EFHC2: variants seen among roughly 807,000 people sequenced by gnomAD.
The protein encoded by EFHC2 is EF-hand domain containing 2.
Under a neutral mutation model 52.7 loss-of-function variants are expected in EFHC2, and 18 were observed. That is an observed-to-expected ratio of 0.34 (90% confidence interval 0.24 to 0.51). EFHC2 has a LOEUF of 0.51. Among genes scored for constraint, EFHC2 ranks in the 20% least tolerant of loss-of-function variants. EFHC2 has a pLI of 0.97. For missense variants in EFHC2, 513 were observed against 562.5 expected (o/e 0.91, Z 0.89); for synonymous variants, 203 against 204.1 (o/e 0.99, Z 0.04).
chrX:44,148,770 A>C lies in EFHC2; in HGVS notation c.*25T>G. ...TGGCAAAATGAGAGAAGTAAATCAT[A>C]GAGAATTGACCAAAACTGGCATGGT... On this transcript the variant is annotated 3_prime_UTR_variant, in exon 15 of 15. Transcript: ENST00000420999. The C allele has an allele frequency of 9.8e-6, 11 of 1,124,573 alleles. No individual in the cohort carries two copies. The highest frequency in any genetic ancestry group is 1.8e-5 in the African/African-American group (1 of 55,402). 92.7% of individuals were successfully genotyped at this position (1,124,573 alleles called of 1,213,427 possible).
chrX:44,319,735 C>T (rs2038006032), intron 1 of EFHC2, among the ~76,000 whole-genome samples: 1 of 111,478 alleles, frequency 9.0e-6, no homozygotes, highest in Non-Finnish European at 1.9e-5. Flanking sequence ...TATAAAGTTT[C>T]CCTTTTAAAT....
intron 7 of EFHC2, among the ~76,000 whole-genome samples, chrX:44,246,544 G>A (rs935785262): frequency 6.3e-5 from 7 of 111,477 alleles, no homozygotes; most frequent in African/African-American, 1.3e-4. Flanking sequence ...ATTAGTCCAC[G>A]GAGTGAACAA....
chrX:44,283,607 G>A (rs1385739812), intron 2 of EFHC2, among the ~76,000 whole-genome samples: 1 of 97,236 alleles, frequency 1.0e-5, no homozygotes, highest in East Asian at 3.2e-4. Flanking sequence ...TTAGGAGTGC[G>A]TTCCGGGCTC....
intron 2 of EFHC2, among the ~76,000 whole-genome samples, chrX:44,298,501 C>T (rs968449735): frequency 2.7e-5 from 3 of 111,424 alleles, no homozygotes; most frequent in African/African-American, 6.5e-5. Flanking sequence ...GACGTCTAGA[C>T]GGTGTCTGGG....
chrX:44,256,825 C>CACA (rs373900461), intron 4 of EFHC2, among the ~76,000 whole-genome samples: 25,314 of 108,750 alleles, frequency 0.23, 4,281 homozygotes, highest in African/African-American at 0.57. Context: ...CTGGCAGAGA[C>CACA]ACAACAACAA....
At position 44,242,162 on chromosome X, in the gene EFHC2, T is replaced by A; in HGVS notation, c.1239A>T (p.Thr413=). ...ACTTCTTGAAGTTCCTCCGATGAGG[T>A]GTGGGCTTGAGGTCTATGCAGTTAC... is the stretch of plus-strand genomic sequence containing the variant. The part of the protein sequence containing the change: ...SLRNCIDLKP[T]PHRRNFKKFM... The change falls in exon 8 of 15, where the codon ACA becomes ACT. Residue 413 remains threonine (T), a synonymous_variant. Coordinates refer to ENST00000420999, the MANE Select transcript of EFHC2 (RefSeq NM_025184.4). The A allele has an allele frequency of 1.7e-6, 2 of 1,205,209 alleles. No homozygotes were observed. Among genetic ancestry groups the A allele is most frequent in the East Asian group, 5.9e-5 (2 of 33,667 alleles).
chrX:44,238,862 A>C (rs897359332), intron 8 of EFHC2, among the ~76,000 whole-genome samples: 3 of 111,621 alleles, frequency 2.7e-5, no homozygotes, highest in African/African-American at 9.8e-5. Flanking sequence ...TTCATAATTT[A>C]CTTATGTATT....
rs748670538 is a variant in EFHC2 at position 44,163,555 on chromosome X, A to T, written c.2148+367T>A. Among the ~76,000 whole-genome samples, 7 of 112,208 alleles carry T rather than the reference A, an allele frequency of 6.2e-5. No individual in the cohort carries two copies. In the East Asian group the frequency reaches 2.0e-3, roughly 32 times the overall value. ...CCGCGGATACCCGGATACCCTAGGG[A>T]TTCTTGCCATAGGCACCATTTGAGA... On this transcript the variant is annotated intron_variant, in intron 14 of 14. Transcript: ENST00000420999.
intron 4 of EFHC2, among the ~76,000 whole-genome samples, chrX:44,255,904 C>T (rs949006621): frequency 2.7e-5 from 3 of 111,633 alleles, no homozygotes; most frequent in African/African-American, 9.8e-5. Flanking sequence ...TGCAAAAGAA[C>T]GGAAATCATA....
intron 14 of EFHC2, among the ~76,000 whole-genome samples, chrX:44,157,369 C>T (rs764189860): frequency 9.0e-6 from 1 of 111,021 alleles, no homozygotes; most frequent in East Asian, 2.8e-4. Flanking sequence ...ATAGATTGTG[C>T]TGGGTCAGTC....
chrX:44,335,196 A>C (rs984218314), intron 1 of EFHC2, among the ~76,000 whole-genome samples: 1 of 108,178 alleles, frequency 9.2e-6, no homozygotes, highest in Admixed American at 9.8e-5. Flanking sequence ...TTGCTGTTTT[A>C]AAAATTAAAA....
At chrX:44,312,357 C>T (rs917141500) in intron 2 of EFHC2, among the ~76,000 whole-genome samples, 2 of 111,310 alleles carry the variant, frequency 1.8e-5, no homozygotes, top group Non-Finnish European at 3.8e-5. Flanking sequence ...TAAATATATA[C>T]AATTATGTTT....
chrX:44,335,388 T>C (rs533904109), intron 1 of EFHC2, among the ~76,000 whole-genome samples: 1 of 110,947 alleles, frequency 9.0e-6, no homozygotes. Context: ...AATGCCTTTT[T>C]TTAAGTTCAG....
chrX:44,249,795 C>T (rs755080367), intron 5 of EFHC2, among the ~76,000 whole-genome samples: 4 of 112,247 alleles, frequency 3.6e-5, no homozygotes, highest in East Asian at 5.6e-4. Flanking sequence ...TGTAGGTGCA[C>T]GTGTATAAGT....
At chrX:44,208,581 C>T (rs985657817) in intron 11 of EFHC2, among the ~76,000 whole-genome samples, 1 of 111,114 alleles carries the variant, frequency 9.0e-6, no homozygotes, top group Non-Finnish European at 1.9e-5. Context: ...AAGCCCAGAC[C>T]CCAGCATTAT....
chrX:44,256,692 A>G (rs1035957926), intron 4 of EFHC2, among the ~76,000 whole-genome samples: 3 of 111,494 alleles, frequency 2.7e-5, no homozygotes, highest in African/African-American at 9.8e-5. Context: ...TTCACAGCCA[A>G]ATTCTACCAG....
intron 3 of EFHC2, among the ~76,000 whole-genome samples, chrX:44,268,295 C>A (rs2147349701): frequency 9.0e-6 from 1 of 111,245 alleles, no homozygotes; most frequent in South Asian, 3.8e-4. Context: ...CCTTTGGAAT[C>A]TGCCTATGTG....
intron 11 of EFHC2, among the ~76,000 whole-genome samples, chrX:44,192,363 A>G (rs1454704577): frequency 9.0e-6 from 1 of 111,566 alleles, no homozygotes; most frequent in East Asian, 2.8e-4. Context: ...CTGAGGTCAT[A>G]TCTTTTTGGG....
intron 7 of EFHC2, among the ~76,000 whole-genome samples, chrX:44,247,560 G>A (rs2037409512): frequency 9.0e-6 from 1 of 111,484 alleles, no homozygotes; most frequent in South Asian, 3.8e-4. Context: ...GCCTCAGGTA[G>A]AGGGGAGTTT....
Sources: allele counts gnomAD v4.1 joint callset (sites outside exome capture counted in the v4.1 genomes callset), GRCh38; gene constraint gnomAD v4.1.1; transcripts MANE v1.5; gene names NCBI Gene and HGNC (gene_info 2026-07-23, HGNC 2026-07-21).